GCC2: variants seen among roughly 807,000 people sequenced by gnomAD.
GCC2 encodes the protein GRIP and coiled-coil domain containing 2.
A neutral mutation model predicts 210.6 loss-of-function variants in GCC2; 120 were observed. The ratio of observed to expected loss-of-function variants is 0.57; its 90% CI spans 0.49 to 0.66. The LOEUF (loss-of-function observed/expected upper bound fraction) is 0.66. Ranked by LOEUF, GCC2 falls within the 30% of genes least tolerant of loss-of-function variation. GCC2 has a pLI of 0.00. For synonymous variants in GCC2, 703 were observed against 652.7 expected (o/e 1.08, Z -1.17); for missense variants, 1,868 against 1,871.9 (o/e 1.00, Z 0.04).
In GCC2 at chr2:108,508,700, C is replaced by T. The variant is rs891988325; in HGVS notation, c.*1070C>T. On this transcript the variant is annotated 3_prime_UTR_variant, in exon 23 of 23. Coordinates refer to ENST00000309863, the MANE Select transcript of GCC2 (RefSeq NM_181453.4). ...AGGGATTTTAGACACCTTAGAGGTC[C>T]GTGCTACATCGTCACAGTTCCTCCG... The T allele has an allele frequency of 6.6e-6, 1 of 152,372 alleles. No homozygotes were observed. The highest frequency in any genetic ancestry group is 6.6e-5 in the Admixed American group (1 of 15,226). The allele number at this position is 152,372 out of a possible 1,614,324, so 9.4% of individuals were successfully genotyped here. A position where few individuals can be genotyped will look rare whatever the true frequency, so the allele number is the denominator to read the frequency against.
chr2:108,506,270 T>C (rs1475445893), intron 22 of GCC2, among the ~76,000 whole-genome samples: 4 of 152,220 alleles, frequency 2.6e-5, no homozygotes, highest in South Asian at 2.1e-4. Flanking sequence ...AGCCATGCAA[T>C]TGAATACTGC....
At chr2:108,449,779 T>A (rs1573331676) in intron 2 of GCC2, 90 bp downstream of exon 2, 3 of 195,082 alleles carry the variant, frequency 1.5e-5, no homozygotes, top group Non-Finnish European at 2.5e-5. Context: ...GGGGCGCTGA[T>A]TTTTTTTTTT....
Position 108,508,463 on chromosome 2 carries a change from A to AT in GCC2, c.*833_*834insT, listed in dbSNP as rs1558767324. 1 of 114,756 alleles carries AT rather than the reference A, an allele frequency of 8.7e-6. No homozygotes were observed. The highest frequency in any genetic ancestry group is 1.8e-5 in the Non-Finnish European group (1 of 55,946). The allele number at this position is 114,756 out of a possible 1,614,324, so 7.1% of individuals were successfully genotyped here. A position where few individuals can be genotyped will look rare whatever the true frequency, so the allele number is the denominator to read the frequency against. On this transcript the variant is annotated 3_prime_UTR_variant, in exon 23 of 23. Transcript: ENST00000309863. ...ACACTGACTATGAGTAGGTGGGCCC[A>AT]CACTTGAGTTGAGGTGATTTCATGG...
chr2:108,480,200 A>G (rs141493799), intron 9 of GCC2, among the ~76,000 whole-genome samples: 4 of 152,348 alleles, frequency 2.6e-5, no homozygotes, highest in Non-Finnish European at 5.9e-5. Context: ...CAATAAAACC[A>G]TAATTAGATA....
chr2:108,474,436 A>G (rs750933161), intron 7 of GCC2, among the ~76,000 whole-genome samples: 5 of 152,204 alleles, frequency 3.3e-5, no homozygotes, highest in African/African-American at 4.8e-5. Context: ...AGACCTGACC[A>G]CTGCGTTAAG....
At chr2:108,472,975 T>C (rs747439600) in intron 7 of GCC2, 76 bp downstream of exon 7, 14 of 819,948 alleles carry the variant, frequency 1.7e-5, no homozygotes, top group Non-Finnish European at 2.5e-5. Flanking sequence ...TTGGGAAATA[T>C]AGTAGCCAAA....
Position 108,472,874 on chromosome 2 carries a change from A to G in GCC2, c.2835A>G (p.Ser945=). The G allele has an allele frequency of 6.3e-7, 1 of 1,592,682 alleles. No individual in the cohort carries two copies. Among genetic ancestry groups the G allele is most frequent in the Non-Finnish European group, 8.6e-7 (1 of 1,165,492 alleles). Residue 945 remains serine, a synonymous_variant, in exon 7 of 23, where the codon TCA becomes TCG. Coordinates refer to ENST00000309863, the MANE Select transcript of GCC2 (RefSeq NM_181453.4). ...SPSVKNDPLS[S]VKELEEKIEN... ...CTGTAAAAAATGATCCTCTGTCTTC[A>G]GTAAAAGAGTTGGAAGAAAAAATAG...
chr2:108,495,238 A>T lies in GCC2; in HGVS notation c.4448-53A>T, dbSNP rs59335173. On this transcript the variant is annotated intron_variant, in intron 19 of 22. Transcript: ENST00000309863. The stretch of plus-strand genomic sequence containing the variant: ...TTTATTGTGTATCTCTGTAAGGCCA[A>T]ATCAATAGATTTTGAACAATCTCAC... 1,269 of 1,178,606 alleles carry T rather than the reference A, an allele frequency of 1.1e-3. 9 individuals are homozygous for T. The African/African-American group carries it at 0.017, about 15-fold the overall frequency. 73.0% of individuals were successfully genotyped at this position (1,178,606 alleles called of 1,614,324 possible).
intron 22 of GCC2, among the ~76,000 whole-genome samples, chr2:108,500,272 T>G (rs1682853112): frequency 6.6e-6 from 1 of 152,148 alleles, no homozygotes; most frequent in African/African-American, 2.4e-5. Context: ...CCCACCACTT[T>G]GGGAGGCCGA....
chr2:108,475,645 C>G lies in GCC2; in HGVS notation c.2961+10C>G. The G allele has an allele frequency of 6.6e-7, 1 of 1,507,772 alleles. No individual in the cohort carries two copies. The highest frequency in any genetic ancestry group is 2.3e-5 in the East Asian group (1 of 43,806). The allele number at this position is 1,507,772 out of a possible 1,614,324, so 93.4% of individuals were successfully genotyped here. On this transcript the variant is annotated intron_variant, in intron 8 of 22. Transcript: ENST00000309863. The stretch of plus-strand genomic sequence containing the variant: ...TTCCAGCAGAAAAGAGGTGAGCTGA[C>G]TTTAAAAATGTAAGATTCCGGAATC...
chr2:108,504,330 T>C (rs1298601757), intron 22 of GCC2, among the ~76,000 whole-genome samples: 1 of 152,114 alleles, frequency 6.6e-6, no homozygotes, highest in East Asian at 1.9e-4. Flanking sequence ...TTTGGGTGTA[T>C]TTGGGAAACA....
rs765508224 is a variant in GCC2 at position 108,481,703 on chromosome 2, T to C, written c.3067T>C (p.Leu1023=). 7.6e-6 allele frequency: 12 copies of C among 1,584,274 alleles called. No individual in the cohort carries two copies. The East Asian group carries it at 2.2e-4, about 30-fold the overall frequency. ...AATCCTTCTTTTATTGAAGAATCTT[T>C]TATTAGAATATGAAAAGCAGTCAGA... ...IQGAESYKNL[L]LEYEKQSEQL... Residue 1023 remains leucine, a synonymous_variant, in exon 10 of 23, where the codon TTA becomes CTA. Coordinates refer to ENST00000309863, the MANE Select transcript of GCC2 (RefSeq NM_181453.4).
intron 3 of GCC2, among the ~76,000 whole-genome samples, chr2:108,451,840 TC>T (rs1679962053): frequency 1.5e-5 from 2 of 133,762 alleles, no homozygotes; most frequent in Non-Finnish European, 3.1e-5. Context: ...TCTCTCTCTC[TC>T]TTTTTTTTTT....
At chr2:108,506,731 A>T (rs1358334560) in intron 22 of GCC2, among the ~76,000 whole-genome samples, 1 of 152,098 alleles carries the variant, frequency 6.6e-6, no homozygotes, top group East Asian at 1.9e-4. Flanking sequence ...ATTTTTTTTT[A>T]AATCCTCTTA....
chr2:108,449,327 C>T (rs1216768944), intron 1 of GCC2, 47 bp downstream of exon 1: 2 of 1,540,228 alleles, frequency 1.3e-6, no homozygotes, highest in Non-Finnish European at 8.8e-7. Context: ...TTCCGCGCCG[C>T]GATTTGGGAT....
chr2:108,457,178 T>C (rs1221826822), intron 4 of GCC2, among the ~76,000 whole-genome samples: 1 of 152,176 alleles, frequency 6.6e-6, no homozygotes, highest in East Asian at 1.9e-4. Flanking sequence ...TGGTGAGAGA[T>C]AGGGACTCAC....
rs147418717 is a variant in GCC2, at chr2:108,463,655, A to C, written c.217-5325A>C. 8.8e-3 allele frequency among the ~76,000 whole-genome samples: 1,344 copies of C among 152,288 alleles called. 13 individuals carry two copies. The highest frequency in any genetic ancestry group is 0.013 in the Non-Finnish European group (860 of 68,018). Reference sequence around the variant, plus strand: ...TGTGTCTGCTGGCACCAGTGTTAGCAGGCCAATTCTTGAGCCTCCAGGTAG... The same window carrying C: ...TGTGTCTGCTGGCACCAGTGTTAGCCGGCCAATTCTTGAGCCTCCAGGTAG... On this transcript the variant is annotated intron_variant, in intron 4 of 22. Transcript: ENST00000309863.
rs774149480 is a variant in GCC2 at position 108,470,370 on chromosome 2, A to G, written c.1041A>G (p.Gln347=). The G allele has an allele frequency of 1.9e-6, 3 of 1,606,458 alleles. No homozygotes were observed. The highest frequency in any genetic ancestry group is 2.2e-5 in the South Asian group (2 of 89,890). ...LEDTLKELES[Q]HSILKDEVTY... Reference sequence around the variant, plus strand: ...ATACCTTAAAAGAACTTGAATCTCAACACAGTATCTTAAAAGATGAGGTAA... The same window carrying G: ...ATACCTTAAAAGAACTTGAATCTCAGCACAGTATCTTAAAAGATGAGGTAA... Residue 347 remains glutamine (Q), a synonymous_variant, in exon 6 of 23, where the codon CAA becomes CAG. Transcript: ENST00000309863.
chr2:108,468,760 T>A (rs553092753), intron 4 of GCC2, among the ~76,000 whole-genome samples: 4 of 152,378 alleles, frequency 2.6e-5, no homozygotes, highest in Non-Finnish European at 5.9e-5. Flanking sequence ...TTCCTGCTTC[T>A]AATTCAGTTC....
Sources: gnomAD v4.1 joint callset for allele counts (sites outside exome capture counted in the v4.1 genomes callset) on GRCh38, gnomAD v4.1.1 for gene constraint, MANE v1.5 for transcripts, NCBI Gene and HGNC (gene_info 2026-07-23, HGNC 2026-07-21) for gene names.